The following CDH12 variants were observed in gnomAD, a reference collection of about 807,000 sequenced individuals.
CDH12 encodes the protein cadherin-12.
A neutral mutation model predicts 74.1 loss-of-function variants in CDH12; 41 were observed. That is an observed-to-expected ratio of 0.55 (90% CI 0.43 to 0.72). The LOEUF is 0.72. Ranked by LOEUF, CDH12 falls within the 30% of genes least tolerant of loss-of-function variation. The probability of loss-of-function intolerance (pLI) is 0.00; values close to 1 mark genes in which losing one functional copy is unlikely to be tolerated. For missense variants in CDH12, 945 were observed against 977.2 expected (o/e 0.97, Z 0.44); for synonymous variants, 399 against 355.0 (o/e 1.12, Z -1.39).
intron 3 of CDH12, among the ~76,000 whole-genome samples, chr5:22,318,969 G>A (rs560518122): frequency 2.0e-4 from 30 of 152,112 alleles, no homozygotes; most frequent in Non-Finnish European, 2.9e-4. Context: ...AAATGTTAAA[G>A]GGCCTGGAAA....
intron 4 of CDH12, among the ~76,000 whole-genome samples, chr5:22,172,669 G>C (rs183574909): frequency 6.6e-6 from 1 of 151,914 alleles, no homozygotes; most frequent in African/African-American, 2.4e-5. Flanking sequence ...TCTAAACAGG[G>C]AAGAGGGATG....
At chr5:22,532,920 A>G (rs899245677) in intron 1 of CDH12, among the ~76,000 whole-genome samples, 3 of 152,022 alleles carry the variant, frequency 2.0e-5, no homozygotes, top group Admixed American at 2.0e-4. Flanking sequence ...ATAAAAGCAT[A>G]AAGGATAAAA....
At chr5:22,765,033 A>G (rs1270632937) in intron 1 of CDH12, among the ~76,000 whole-genome samples, 2 of 152,004 alleles carry the variant, frequency 1.3e-5, no homozygotes, top group Non-Finnish European at 2.9e-5. Flanking sequence ...CCATTAATAA[A>G]TACATTACAA....
chr5:22,600,998 A>G (rs1301379881), intron 1 of CDH12, among the ~76,000 whole-genome samples: 4 of 152,140 alleles, frequency 2.6e-5, no homozygotes, highest in Non-Finnish European at 5.9e-5. Flanking sequence ...TGAAGCTATT[A>G]TCAGGGTAGA....
intron 1 of CDH12, among the ~76,000 whole-genome samples, chr5:22,787,479 G>T (rs1747695335): frequency 6.6e-6 from 1 of 151,886 alleles, no homozygotes; most frequent in South Asian, 2.1e-4. Flanking sequence ...GCTAATCAGT[G>T]CCAAAAAAGA....
At chr5:22,609,660 T>A (rs1446974818) in intron 1 of CDH12, among the ~76,000 whole-genome samples, 1 of 152,204 alleles carries the variant, frequency 6.6e-6, no homozygotes, top group Non-Finnish European at 1.5e-5. Context: ...AGAAAAATGC[T>A]TTGATAAGCT....
chr5:21,791,440 A>C lies in CDH12; in HGVS notation c.1257-7946T>G, dbSNP rs147400865. On this transcript the variant is annotated intron_variant, in intron 10 of 14. Transcript: ENST00000382254. ...GCTGTTGGGTTGCAACAGTCTACTT[A>C]CAATCTAAGGATAAAATATTATTGG... Among the ~76,000 whole-genome samples the C allele has an allele frequency of 2.0e-5, 3 of 152,132 alleles. No individual in the cohort carries two copies. The East Asian group carries it at 5.8e-4, about 29-fold the overall frequency.
chr5:22,511,074 T>C (rs1203509266), intron 1 of CDH12, among the ~76,000 whole-genome samples: 2 of 152,048 alleles, frequency 1.3e-5, no homozygotes, highest in African/African-American at 2.4e-5. Flanking sequence ...TTTGTATTTT[T>C]AGTACAGACA....
chr5:22,656,419 C>T (rs1740037660), intron 1 of CDH12, among the ~76,000 whole-genome samples: 1 of 152,014 alleles, frequency 6.6e-6, no homozygotes, highest in African/African-American at 2.4e-5. Context: ...GAATATGTGA[C>T]TTACATCATT....
intron 1 of CDH12, among the ~76,000 whole-genome samples, chr5:22,536,391 A>T (rs936555734): frequency 6.6e-6 from 1 of 152,182 alleles, no homozygotes; most frequent in African/African-American, 2.4e-5. Flanking sequence ...CATAAATGTT[A>T]GCAATTGTTG....
intron 3 of CDH12, among the ~76,000 whole-genome samples, chr5:22,343,248 C>T (rs1014323029): frequency 5.7e-5 from 8 of 140,954 alleles, no homozygotes; most frequent in Non-Finnish European, 1.5e-5. Flanking sequence ...AAGTTTACAT[C>T]AGACAAAAAT....
At chr5:22,626,660 A>T (rs1049308497) in intron 1 of CDH12, among the ~76,000 whole-genome samples, 3 of 152,220 alleles carry the variant, frequency 2.0e-5, no homozygotes, top group African/African-American at 7.2e-5. Flanking sequence ...GAACCAGCAC[A>T]AGAACTCTGG....
intron 3 of CDH12, among the ~76,000 whole-genome samples, chr5:22,238,780 TAC>T (rs1752646326): frequency 1.3e-5 from 2 of 152,232 alleles, no homozygotes; most frequent in African/African-American, 4.8e-5. Context: ...CCCTCTTACT[TAC>T]ATTTTCATTT....
At position 22,611,772 on chromosome 5, in the gene CDH12, C is replaced by T. The variant is rs541844430; in HGVS notation, c.-522-106408G>A. On this transcript the variant is annotated intron_variant, in intron 1 of 14. Transcript: ENST00000382254. ...GCTGAACCCAGAATCTAATTGGAAA[C>T]TAGAGAACAACAGAGTGCAGTTGGT... Among the ~76,000 whole-genome samples the T allele has an allele frequency of 9.3e-4, 142 of 152,240 alleles. 5 individuals are homozygous for T. The South Asian group carries it at 0.029, about 31-fold the overall frequency.
chr5:22,459,328 C>T (rs755821333), intron 2 of CDH12, among the ~76,000 whole-genome samples: 1 of 151,976 alleles, frequency 6.6e-6, no homozygotes, highest in Non-Finnish European at 1.5e-5. Flanking sequence ...ATTAAGATTG[C>T]AGTTATTATG....
chr5:22,835,455 TC>T (rs1207297342), intron 1 of CDH12, among the ~76,000 whole-genome samples: 52 of 152,310 alleles, frequency 3.4e-4, no homozygotes, highest in African/African-American at 1.2e-3. Flanking sequence ...TGAACAGTCT[TC>T]CACTTTTAGG....
At chr5:22,728,241 G>A (rs932154093) in intron 1 of CDH12, among the ~76,000 whole-genome samples, 1 of 151,360 alleles carries the variant, frequency 6.6e-6, no homozygotes, top group African/African-American at 2.4e-5. Context: ...TTTCCATGTG[G>A]CAGATTTTGA....
intron 1 of CDH12, among the ~76,000 whole-genome samples, chr5:22,840,313 G>A (rs1737026409): frequency 6.6e-6 from 1 of 151,800 alleles, no homozygotes; most frequent in African/African-American, 2.4e-5. Flanking sequence ...TAGTAGAGAC[G>A]GGGTTTCACT....
At position 22,505,303 on chromosome 5, in the gene CDH12, A is replaced by G. The variant is rs1348248296; in HGVS notation, c.-461T>C. 4 of 984,898 alleles carry G rather than the reference A, an allele frequency of 4.1e-6. No individual in the cohort carries two copies. Among genetic ancestry groups the G allele is most frequent in the African/African-American group, 3.5e-5 (2 of 57,208 alleles). 61.0% of individuals were successfully genotyped at this position (984,898 alleles called of 1,614,324 possible). On this transcript the variant is annotated 5_prime_UTR_variant, in exon 2 of 15. Coordinates refer to ENST00000382254, the MANE Select transcript of CDH12 (RefSeq NM_004061.5). ...AGGCTGGCATTCTTTAAAACTCCCA[A>G]CTGCTCCTGGGTTCCAGCTTGTCTA...
Sources: allele counts gnomAD v4.1 joint callset (sites outside exome capture counted in the v4.1 genomes callset), GRCh38; gene constraint gnomAD v4.1.1; transcripts MANE v1.5; gene names NCBI Gene and HGNC (gene_info 2026-07-23, HGNC 2026-07-21).